ZNF16: variants seen among roughly 807,000 people sequenced by gnomAD.
The protein encoded by ZNF16 is zinc finger protein 16.
A neutral mutation model predicts 9.0 loss-of-function variants in ZNF16; 7 were observed. That is an observed-to-expected ratio of 0.78 (90% CI 0.44 to 1.47). The LOEUF (loss-of-function observed/expected upper bound fraction) is 1.47, where lower values mean the gene tolerates loss of function less well. Ranked by LOEUF, ZNF16 falls within the 40% of genes most tolerant of loss-of-function variation. The probability of loss-of-function intolerance (pLI) is 0.01; values close to 1 mark genes in which losing one functional copy is unlikely to be tolerated. For synonymous variants in ZNF16, 312 were observed against 301.5 expected (o/e 1.03, Z -0.36); for missense variants, 830 against 854.2 (o/e 0.97, Z 0.35).
At position 144,942,256 on chromosome 8, in the gene ZNF16, G is replaced by C. The variant is rs1358018267; in HGVS notation, c.196+3755C>G. On this transcript the variant is annotated intron_variant, in intron 2 of 2. Transcript: ENST00000394909. ...GCCTCCCAAAGTGCTGGGATTACAG[G>C]CATGAGCCACCATGCCTGGCCCATT... 2.0e-5 allele frequency among the ~76,000 whole-genome samples: 3 copies of C among 151,502 alleles called. No individual in the cohort carries two copies. The South Asian group carries it at 6.2e-4, about 32-fold the overall frequency.
At chr8:144,950,590 G>C (rs1262888676) in intron 1 of ZNF16, 1 of 151,860 alleles carries the variant, frequency 6.6e-6, no homozygotes, top group African/African-American at 2.4e-5. Flanking sequence ...AGCCCCCAGA[G>C]GCTCTGACCT....
At chr8:144,938,046 A>G (rs1356919678) in intron 2 of ZNF16, among the ~76,000 whole-genome samples, 1 of 152,200 alleles carries the variant, frequency 6.6e-6, no homozygotes, top group Non-Finnish European at 1.5e-5. Context: ...TCATTGATTG[A>G]AAGGACTTGG....
chr8:144,938,017 G>A (rs1833723872), intron 2 of ZNF16, among the ~76,000 whole-genome samples: 1 of 152,130 alleles, frequency 6.6e-6, no homozygotes, highest in Non-Finnish European at 1.5e-5. Context: ...AGCACCATTT[G>A]CAGAAGGGCT....
chr8:144,937,141 CTCTT>C (rs1484259796), intron 2 of ZNF16, among the ~76,000 whole-genome samples: 42 of 93,038 alleles, frequency 4.5e-4, no homozygotes, highest in Middle Eastern at 7.0e-3. Context: ...TTCTTTCTCT[CTCTT>C]TTTTTTTTTT....
Position 144,932,051 on chromosome 8 carries a change from A to G in ZNF16, c.736T>C (p.Phe246Leu), listed in dbSNP as rs538380163. ...TTTTTAAGAACTGAGTTCTGGCTGA[A>G]GGTTTTCCCACAATCATCACACATA... ...SFMCDDCGKT[F>L]SQNSVLKNRH... Residue 246 changes from phenylalanine (F) to leucine (L), a missense_variant, in exon 3 of 3, where the codon TTC becomes CTC. Phe to Leu is a conservative substitution (Grantham distance 22, BLOSUM62 0). Transcript: ENST00000394909. The surrounding 1 kb of genome is among the most constrained non-coding windows in gnomAD (Gnocchi z 5.0). 4.3e-6 allele frequency: 7 copies of G among 1,614,128 alleles called. No homozygotes were observed. The African/African-American group carries it at 9.3e-5, about 22-fold the overall frequency.
At chr8:144,941,161 A>C (rs1358943738) in intron 2 of ZNF16, among the ~76,000 whole-genome samples, 2 of 152,158 alleles carry the variant, frequency 1.3e-5, no homozygotes, top group Admixed American at 6.5e-5. Context: ...CATTTTTCAA[A>C]GTGGAGTACT....
At chr8:144,946,764 C>G (rs1318574301) in intron 1 of ZNF16, among the ~76,000 whole-genome samples, 1 of 109,606 alleles carries the variant, frequency 9.1e-6, no homozygotes, top group African/African-American at 4.0e-5. Context: ...GGCCTGTACC[C>G]TGCTGTGGGC....
At chr8:144,938,280 G>A (rs950484224) in intron 2 of ZNF16, among the ~76,000 whole-genome samples, 14 of 152,182 alleles carry the variant, frequency 9.2e-5, no homozygotes, top group Admixed American at 4.6e-4. Context: ...TTTGAGGATC[G>A]TCTTTTGTTT....
intron 1 of ZNF16, 102 bp from the exon 2 acceptor site, chr8:144,946,317 G>C (rs1833926799): frequency 8.6e-7 from 1 of 1,159,054 alleles, no homozygotes; most frequent in Non-Finnish European, 1.1e-6. Context: ...TGCAGCCCAA[G>C]ACCTGAAGAG....
At chr8:144,942,627 G>A (rs962967655) in intron 2 of ZNF16, among the ~76,000 whole-genome samples, 1 of 152,118 alleles carries the variant, frequency 6.6e-6, no homozygotes, top group Non-Finnish European at 1.5e-5. Context: ...CATGATGATT[G>A]CAATGAACGT....
At chr8:144,938,726 G>A (rs1004718601) in intron 2 of ZNF16, among the ~76,000 whole-genome samples, 10 of 152,126 alleles carry the variant, frequency 6.6e-5, no homozygotes, top group African/African-American at 2.4e-4. Context: ...TTCCCAACTG[G>A]ATGTCTTTTA....
At chr8:144,935,054 G>A (rs1244776590) in intron 2 of ZNF16, among the ~76,000 whole-genome samples, 1 of 152,108 alleles carries the variant, frequency 6.6e-6, no homozygotes, top group Non-Finnish European at 1.5e-5. Context: ...GGAACTAAAG[G>A]TGAATTCTGT....
chr8:144,943,542 CAG>C (rs1277829866), intron 2 of ZNF16, among the ~76,000 whole-genome samples: 1 of 151,172 alleles, frequency 6.6e-6, no homozygotes, highest in South Asian at 2.1e-4. Flanking sequence ...TTTTTTGAGA[CAG>C]AGTCTCACTC....
chr8:144,936,070 G>A (rs1328758357), intron 2 of ZNF16, among the ~76,000 whole-genome samples: 1 of 152,160 alleles, frequency 6.6e-6, no homozygotes, highest in Admixed American at 6.5e-5. Context: ...CCATTAAGCA[G>A]TTTATCCCCA....
rs1833614872 is a variant in ZNF16, at chr8:144,933,862, A to G, written c.197-1272T>C. Among the ~76,000 whole-genome samples the G allele has an allele frequency of 6.6e-6, 1 of 151,930 alleles. No individual in the cohort carries two copies. Among genetic ancestry groups the G allele is most frequent in the South Asian group, 2.1e-4 (1 of 4,814 alleles). ...CCCTGATCATAAATGCCAGCACCCCACCTACTTTCCTTGCCCCCACCCTGG... is the reference window on the plus strand; with the variant it reads ...CCCTGATCATAAATGCCAGCACCCCGCCTACTTTCCTTGCCCCCACCCTGG... On this transcript the variant is annotated intron_variant, in intron 2 of 2. Coordinates refer to ENST00000394909, the MANE Select transcript of ZNF16 (RefSeq NM_006958.3). The surrounding 1 kb of genome is among the most constrained non-coding windows in gnomAD (Gnocchi z 5.6).
Position 144,931,368 on chromosome 8 carries a change from G to C in ZNF16, c.1419C>G (p.Ser473Arg). The C allele has an allele frequency of 6.2e-7, 1 of 1,614,182 alleles. No homozygotes were observed. Among genetic ancestry groups the C allele is most frequent in the Non-Finnish European group, 8.5e-7 (1 of 1,180,046 alleles). Residue 473 changes from serine (S) to arginine (R), a missense_variant, in exon 3 of 3, where the codon AGC becomes AGG. Transcript: ENST00000394909. ...TGATCTGGTGCTTTCGGAGCACTGA[G>C]CTATAACTAAAGGCTTTTCCACATA... is the stretch of plus-strand genomic sequence containing the variant. Reference protein sequence around the residue: ...CNVCGKAFSYSSVLRKHQIIH... With the variant: ...CNVCGKAFSYRSVLRKHQIIH...
chr8:144,946,486 C>T (rs996207406), intron 1 of ZNF16, among the ~76,000 whole-genome samples: 3 of 151,806 alleles, frequency 2.0e-5, no homozygotes, highest in African/African-American at 7.3e-5. Context: ...GGTGCCCAGA[C>T]CTGCCATGAT....
intron 1 of ZNF16, among the ~76,000 whole-genome samples, chr8:144,946,467 G>T (rs1833930492): frequency 6.6e-6 from 1 of 151,966 alleles, no homozygotes; most frequent in Admixed American, 6.6e-5. Flanking sequence ...CTAAGGTAAA[G>T]TGGGTCATGG....
chr8:144,934,044 C>A (rs1833619568), intron 2 of ZNF16, among the ~76,000 whole-genome samples: 1 of 152,192 alleles, frequency 6.6e-6, no homozygotes, highest in South Asian at 2.1e-4. Flanking sequence ...TCCCTCCCTG[C>A]CTCTCCCTGT....
Sources: allele counts gnomAD v4.1 joint callset (sites outside exome capture counted in the v4.1 genomes callset), GRCh38; gene constraint gnomAD v4.1.1; non-coding constraint Gnocchi (gnomAD v3.1); transcripts MANE v1.5; gene names NCBI Gene and HGNC (gene_info 2026-07-23, HGNC 2026-07-21).